Variants in SPOCK1 observed in about 807,000 individuals in gnomAD.
The protein encoded by SPOCK1 is SPARC (osteonectin), cwcv and kazal like domains proteoglycan 1, also known as testican-1.
In SPOCK1, 23 loss-of-function variants were observed where a neutral mutation model predicts 55.3. The observed-to-expected ratio is 0.42, with a 90% CI of 0.30 to 0.59. SPOCK1 has a LOEUF of 0.59. SPOCK1 is among the 20% of genes least tolerant of loss of function. The pLI, the probability that SPOCK1 is intolerant of heterozygous loss-of-function variation, is 0.22. For synonymous variants in SPOCK1, 226 were observed against 221.0 expected, an observed-to-expected ratio of 1.02 and a Z score of -0.20; for missense variants, 499 against 552.5, an observed-to-expected ratio of 0.90 and a Z score of 0.97.
At chr5:137,160,558 T>TATATATTATATAATATA (rs1561631612) in intron 3 of SPOCK1, among the ~76,000 whole-genome samples, 50 of 57,282 alleles carry the variant, frequency 8.7e-4, no homozygotes, top group East Asian at 2.4e-3. Flanking sequence ...TAATATATAT[T>TATATATTATATAATATA]ATATATTATA....
At chr5:136,992,139 A>AAGAT (rs1297520492) in intron 7 of SPOCK1, among the ~76,000 whole-genome samples, 3 of 152,200 alleles carry the variant, frequency 2.0e-5, no homozygotes, top group East Asian at 1.9e-4. Context: ...ACAACATGAA[A>AAGAT]AGATAGTCAC....
At chr5:137,032,509 G>A (rs568695094) in intron 6 of SPOCK1, among the ~76,000 whole-genome samples, 20 of 152,236 alleles carry the variant, frequency 1.3e-4, no homozygotes, top group African/African-American at 3.6e-4. Flanking sequence ...GCAGTGCAGC[G>A]GGGAAGCTGA....
rs185046686 is a variant in SPOCK1, at chr5:137,297,795, G to A, written c.187-30740C>T. Among the ~76,000 whole-genome samples the A allele has an allele frequency of 2.4e-4, 37 of 152,186 alleles. No homozygotes were observed. The East Asian group carries it at 3.9e-3, about 16-fold the overall frequency. ...AGGAGGTCAGTGAATGTCTTCAATC[G>A]AGGTGCACAGGGCAGACTTCTGGCA... On this transcript the variant is annotated intron_variant, in intron 2 of 10. Coordinates refer to ENST00000394945, the MANE Select transcript of SPOCK1 (RefSeq NM_004598.4).
chr5:137,090,980 A>T (rs998627311), intron 5 of SPOCK1, among the ~76,000 whole-genome samples: 4 of 152,074 alleles, frequency 2.6e-5, no homozygotes, highest in African/African-American at 9.7e-5. Flanking sequence ...CTGAGCCAGG[A>T]CCCAGGAAAA....
intron 3 of SPOCK1, among the ~76,000 whole-genome samples, chr5:137,227,524 T>C (rs948252758): frequency 1.3e-5 from 2 of 152,222 alleles, no homozygotes; most frequent in Non-Finnish European, 2.9e-5. Context: ...TAAGAGTCTT[T>C]GAGCATTTGG....
intron 6 of SPOCK1, among the ~76,000 whole-genome samples, chr5:137,011,541 G>A (rs1163378331): frequency 2.6e-5 from 4 of 152,166 alleles, no homozygotes; most frequent in African/African-American, 4.8e-5. Context: ...TTCTAGACAT[G>A]CCTTGTGTTC....
At chr5:137,229,315 G>A (rs1462828511) in intron 3 of SPOCK1, among the ~76,000 whole-genome samples, 1 of 152,154 alleles carries the variant, frequency 6.6e-6, no homozygotes, top group African/African-American at 2.4e-5. Context: ...ATGTGAACTA[G>A]CTCAGCCAAG....
chr5:137,024,390 T>C (rs1327494519), intron 6 of SPOCK1, among the ~76,000 whole-genome samples: 1 of 151,502 alleles, frequency 6.6e-6, no homozygotes, highest in East Asian at 1.9e-4. Flanking sequence ...ATCCTTAAAC[T>C]TTGCTGTGAT....
At chr5:137,242,274 G>C (rs924082544) in intron 3 of SPOCK1, among the ~76,000 whole-genome samples, 1 of 152,164 alleles carries the variant, frequency 6.6e-6, no homozygotes, top group African/African-American at 2.4e-5. Context: ...TCATGGGAGG[G>C]ACCCGGTCGG....
rs1156253291 is a variant in SPOCK1, at chr5:137,131,971, C to CAAAAAA, written c.347+8603_347+8608dup. 2.2e-3 allele frequency among the ~76,000 whole-genome samples: 28 copies of CAAAAAA among 12,728 alleles called. 1 individual carries two copies. The highest frequency in any genetic ancestry group is 5.6e-3 in the African/African-American group (10 of 1,786). 8.4% of individuals were successfully genotyped at this position (12,728 alleles called of 152,430 possible). ...TGGGCGACAGAGCGAGACTCCGTCT[C>CAAAAAA]AAAAAAAAAAAAAAAAAAATATATA... On this transcript the variant is annotated intron_variant, in intron 4 of 10. Transcript: ENST00000394945.
At chr5:137,135,527 G>A (rs11739884) in intron 4 of SPOCK1, among the ~76,000 whole-genome samples, 31,786 of 152,088 alleles carry the variant, frequency 0.21, 3,727 homozygotes, top group East Asian at 0.38. Context: ...CCCTTCTTCC[G>A]CAAACAAACC....
intron 2 of SPOCK1, among the ~76,000 whole-genome samples, chr5:137,367,181 A>G (rs568712940): frequency 6.6e-6 from 1 of 152,296 alleles, no homozygotes; most frequent in South Asian, 2.1e-4. Flanking sequence ...TTTCCTGCCT[A>G]AGCTGATGCC....
intron 6 of SPOCK1, among the ~76,000 whole-genome samples, chr5:137,039,303 T>C (rs1011676147): frequency 1.4e-5 from 2 of 145,508 alleles, no homozygotes; most frequent in Non-Finnish European, 3.0e-5. Context: ...TTTTTTGTTG[T>C]TGCAACGGGG....
chr5:137,208,909 T>C (rs1488349460), intron 3 of SPOCK1, among the ~76,000 whole-genome samples: 1 of 152,226 alleles, frequency 6.6e-6, no homozygotes, highest in African/African-American at 2.4e-5. Context: ...AATTCTAGTT[T>C]TATGGAGTAA....
chr5:137,467,449 T>C (rs2149838801), intron 2 of SPOCK1, among the ~76,000 whole-genome samples: 1 of 152,362 alleles, frequency 6.6e-6, no homozygotes, highest in East Asian at 1.9e-4. Flanking sequence ...CCAAGCTATG[T>C]GCAAGAGCTT....
intron 2 of SPOCK1, chr5:137,313,454 T>A (rs1410371993): frequency 1.0e-6 from 1 of 985,164 alleles, no homozygotes; most frequent in Non-Finnish European, 1.2e-6. Context: ...TCTCAGGAAA[T>A]CATCAGGGCA....
chr5:137,160,681 G>GTT (rs1245821513), intron 3 of SPOCK1, among the ~76,000 whole-genome samples: 3 of 97,076 alleles, frequency 3.1e-5, no homozygotes, highest in African/African-American at 8.2e-5. Context: ...TATAATATAT[G>GTT]TTATATATAT....
chr5:137,454,441 A>G (rs1356684418), intron 2 of SPOCK1, among the ~76,000 whole-genome samples: 1 of 152,210 alleles, frequency 6.6e-6, no homozygotes, highest in Admixed American at 6.5e-5. Context: ...TCTCTTTTAC[A>G]TAACCAAAAG....
chr5:137,476,961 A>C (rs913000090), intron 2 of SPOCK1, among the ~76,000 whole-genome samples: 4 of 152,222 alleles, frequency 2.6e-5, no homozygotes, highest in Non-Finnish European at 5.9e-5. Flanking sequence ...TTTTGCAGCA[A>C]TTCAGCAATT....
Sources: gnomAD v4.1 joint callset for allele counts (sites outside exome capture counted in the v4.1 genomes callset) on GRCh38, gnomAD v4.1.1 for gene constraint, MANE v1.5 for transcripts, NCBI Gene and HGNC (gene_info 2026-07-23, HGNC 2026-07-21) for gene names.